SPATA7: variants seen among roughly 807,000 people sequenced by gnomAD.
SPATA7 encodes spermatogenesis associated 7, also known as spermatogenesis-associated protein 7.
SPATA7 carries 43 observed loss-of-function variants against 51.8 expected under a neutral mutation model. The observed-to-expected ratio is 0.83, with a 90% CI of 0.65 to 1.07. The LOEUF (loss-of-function observed/expected upper bound fraction) is 1.07, where lower values mean the gene tolerates loss of function less well. Ranked by LOEUF, SPATA7 falls within the 50% of genes least tolerant of loss-of-function variation. The probability of loss-of-function intolerance (pLI) is 0.00; values close to 1 mark genes in which losing one functional copy is unlikely to be tolerated. For synonymous variants in SPATA7, 230 were observed against 252.8 expected (o/e 0.91, Z 0.86); for missense variants, 683 against 701.3 (o/e 0.97, Z 0.30).
chr14:88,403,163 CAT>C (rs1305209430), intron 4 of SPATA7, among the ~76,000 whole-genome samples: 1 of 152,036 alleles, frequency 6.6e-6, no homozygotes, highest in East Asian at 1.9e-4. Flanking sequence ...AAAAAGACAA[CAT>C]GTAACAAGTG....
rs773415331 is a variant in SPATA7 at position 88,385,913 on chromosome 14, A to G, written c.19+76A>G. ...GGCGCTCCCAGCCTCGGGTCCGGGC[A>G]GCTGAGTGCAAGGCCGCCCCTTGGG... is the stretch of plus-strand genomic sequence containing the variant. On this transcript the variant is annotated intron_variant, in intron 1 of 11. Transcript: ENST00000393545. 60 of 1,520,632 alleles carry G rather than the reference A, an allele frequency of 3.9e-5. 1 individual carries two copies. Among genetic ancestry groups the G allele is most frequent in the South Asian group, 2.2e-4 (18 of 82,826 alleles). 94.2% of individuals were successfully genotyped at this position (1,520,632 alleles called of 1,614,324 possible). A position where few individuals can be genotyped will look rare whatever the true frequency, so the allele number is the denominator to read the frequency against.
In SPATA7 at chr14:88,469,709, T is replaced by C; in HGVS notation, c.255-138T>C. 1.2e-6 allele frequency: 2 copies of C among 1,614,208 alleles called. No homozygotes were observed. Among genetic ancestry groups the C allele is most frequent in the Non-Finnish European group, 1.7e-6 (2 of 1,180,032 alleles). Reference sequence around the variant, plus strand: ...CTGGAACCAAGTCGTGGCCAGTACCTAAAGCTCTTCTCCCTTCCACCCTCC... The same window carrying C: ...CTGGAACCAAGTCGTGGCCAGTACCCAAAGCTCTTCTCCCTTCCACCCTCC... On this transcript the variant is annotated intron_variant, in intron 4 of 4. Transcript: ENST00000556406. This position sits in a 1 kb window ranked among gnomAD's most constrained non-coding sequence, Gnocchi z 4.3.
chr14:88,441,300 A>G (rs1268855520), downstream of SPATA7, among the ~76,000 whole-genome samples: 1 of 152,190 alleles, frequency 6.6e-6, no homozygotes, highest in Non-Finnish European at 1.5e-5. Context: ...TTGTACTCCT[A>G]TAAACATGCG....
At chr14:88,429,625 C>T (rs1343141852) in intron 8 of SPATA7, among the ~76,000 whole-genome samples, 162 bp downstream of exon 8, 4 of 152,074 alleles carry the variant, frequency 2.6e-5, no homozygotes, top group African/African-American at 9.7e-5. Flanking sequence ...GGAAATTTTA[C>T]AAATTGAAGT....
intron 3 of SPATA7, among the ~76,000 whole-genome samples, chr14:88,449,795 T>C (rs1301936426): frequency 1.3e-5 from 2 of 152,118 alleles, no homozygotes; most frequent in African/African-American, 4.8e-5. Context: ...GATTGTGATA[T>C]TTTCCTGCTG....
At chr14:88,437,506 AT>A in intron 10 of SPATA7, 36 bp from the exon 11 acceptor site, 1 of 1,472,182 alleles carries the variant, frequency 6.8e-7, no homozygotes, top group Non-Finnish European at 9.5e-7. Flanking sequence ...TGATTTTCTG[AT>A]TTTGAGACAT....
intron 3 of SPATA7, among the ~76,000 whole-genome samples, chr14:88,449,475 G>A (rs1025537324): frequency 1.3e-5 from 2 of 152,090 alleles, no homozygotes; most frequent in African/African-American, 4.8e-5. Flanking sequence ...AATGTGTTGA[G>A]ACTTGTTTTG....
chr14:88,444,114 T>C (rs918482256), intron 3 of SPATA7, among the ~76,000 whole-genome samples: 7 of 151,950 alleles, frequency 4.6e-5, no homozygotes, highest in African/African-American at 1.5e-4. Context: ...TGTAAAAGTG[T>C]TCCTATTTCT....
chr14:88,442,301 G>T (rs150525854), downstream of SPATA7, among the ~76,000 whole-genome samples: 3,953 of 151,860 alleles, frequency 0.026, 182 homozygotes, highest in African/African-American at 0.09. Context: ...GCGATTCTCC[G>T]ACCTCAGCCT....
At chr14:88,462,889 G>C (rs902674942) in intron 4 of SPATA7, among the ~76,000 whole-genome samples, 3 of 152,096 alleles carry the variant, frequency 2.0e-5, no homozygotes, top group South Asian at 4.1e-4. Flanking sequence ...TCATCCGTTT[G>C]TCCCTATTTA....
chr14:88,427,584 C>G (rs565184344), intron 6 of SPATA7, 46 bp from the exon 7 acceptor site: 1 of 1,334,026 alleles, frequency 7.5e-7, no homozygotes, highest in African/African-American at 1.5e-5. Context: ...TACCACAGTG[C>G]TTATATTTTG....
chr14:88,413,435 A>G (rs34482023), intron 4 of SPATA7, among the ~76,000 whole-genome samples: 5,363 of 152,312 alleles, frequency 0.035, 311 homozygotes, highest in African/African-American at 0.12. Context: ...TATTAGTTCA[A>G]GAAGCCTTTT....
At chr14:88,435,299 T>G (rs1308365469) in intron 10 of SPATA7, among the ~76,000 whole-genome samples, 2 of 152,166 alleles carry the variant, frequency 1.3e-5, no homozygotes, top group African/African-American at 2.4e-5. Flanking sequence ...TTTTTAAAAT[T>G]TTGTGAGGTA....
intron 6 of SPATA7, among the ~76,000 whole-genome samples, chr14:88,427,426 T>G (rs1373077652): frequency 6.6e-6 from 1 of 151,660 alleles, no homozygotes; most frequent in Non-Finnish European, 1.5e-5. Context: ...TAGTATTTTT[T>G]TCTTTGAATA....
chr14:88,437,962 C>T lies in SPATA7; in HGVS notation c.1340C>T (p.Ser447Leu), dbSNP rs1023367360. 1.9e-6 allele frequency: 3 copies of T among 1,613,800 alleles called. No individual in the cohort carries two copies. In the African/African-American group the frequency reaches 4.0e-5, roughly 22 times the overall value. ...TTTGATTTTGAAAAGGCTGGGAATT[C>T]AGAACCAAATGAATTAAAAAATGAA... is the stretch of plus-strand genomic sequence containing the variant. ...NVFDFEKAGN[S>L]EPNELKNESE... The change falls in exon 12 of 12, where the codon TCA (serine) becomes TTA (leucine). Residue 447 changes from serine (S) to leucine (L), a missense_variant. Coordinates refer to ENST00000393545, the MANE Select transcript of SPATA7 (RefSeq NM_018418.5).
chr14:88,458,205 T>C (rs1478187841), downstream of SPATA7, among the ~76,000 whole-genome samples: 6 of 152,214 alleles, frequency 3.9e-5, no homozygotes, highest in South Asian at 2.1e-4. Flanking sequence ...TGTTGTGTCT[T>C]TGTCAGGCTT....
chr14:88,385,714 G>A lies in SPATA7; in HGVS notation c.-105G>A, dbSNP rs994816572. 4.2e-5 allele frequency: 47 copies of A among 1,128,878 alleles called. No individual in the cohort carries two copies. The highest frequency in any genetic ancestry group is 5.6e-5 in the Non-Finnish European group (43 of 762,352). 69.9% of individuals were successfully genotyped at this position (1,128,878 alleles called of 1,614,324 possible). A position where few individuals can be genotyped will look rare whatever the true frequency, so the allele number is the denominator to read the frequency against. ...CGGTTTCCCTGCTGCTGCAGCCCCC[G>A]TCGGCTCCTCTTTTCCAGTCCTCCA... On this transcript the variant is annotated 5_prime_UTR_variant, in exon 1 of 12. Coordinates refer to ENST00000393545, the MANE Select transcript of SPATA7 (RefSeq NM_018418.5).
chr14:88,449,808 C>G (rs752118449), intron 3 of SPATA7, among the ~76,000 whole-genome samples: 1 of 152,056 alleles, frequency 6.6e-6, no homozygotes, highest in African/African-American at 2.4e-5. Context: ...TCCTGCTGGA[C>G]TAGTCCTTTT....
At chr14:88,432,272 T>C (rs1291739892) in intron 9 of SPATA7, among the ~76,000 whole-genome samples, 2 of 152,246 alleles carry the variant, frequency 1.3e-5, no homozygotes, top group African/African-American at 4.8e-5. Context: ...TTTTCAAATA[T>C]GCTGTTTTTA....
Sources: allele counts gnomAD v4.1 joint callset (sites outside exome capture counted in the v4.1 genomes callset), GRCh38; gene constraint gnomAD v4.1.1; non-coding constraint Gnocchi (gnomAD v3.1); transcripts MANE v1.5; gene names NCBI Gene and HGNC (gene_info 2026-07-23, HGNC 2026-07-21).